The following CCDC163 variants were observed in gnomAD, a reference collection of about 807,000 sequenced individuals.
CCDC163 encodes transmembrane protein CCDC163.
Under a neutral mutation model 8.2 loss-of-function variants are expected in CCDC163, and 13 were observed. That is an observed-to-expected ratio of 1.59 (90% CI 1.04 to 2.54). CCDC163 has a LOEUF of 2.54. CCDC163 is among the 30% of genes most tolerant of loss of function. The probability of loss-of-function intolerance (pLI) is 0.00; values close to 1 mark genes in which losing one functional copy is unlikely to be tolerated. For missense variants in CCDC163, 117 were observed against 78.6 expected (o/e 1.49, Z -1.85); for synonymous variants, 41 against 30.9 (o/e 1.33, Z -1.08).
chr1:45,496,332 A>T, intron 4 of CCDC163: 2 of 647,994 alleles, frequency 3.1e-6, no homozygotes, highest in Non-Finnish European at 5.7e-6. Flanking sequence ...TGTCCTCTTC[A>T]GCACACTTGG....
chr1:45,497,633 T>A, intron 2 of CCDC163, among the ~76,000 whole-genome samples: 1 of 116,796 alleles, frequency 8.6e-6, no homozygotes, highest in African/African-American at 3.4e-5. Context: ...GACTGCAGCC[T>A]CTGCCCGGCC....
rs1460917739 is a variant in CCDC163, at chr1:45,497,940, G to C, written c.178-557C>G. 4.7e-5 allele frequency among the ~76,000 whole-genome samples: 7 copies of C among 147,914 alleles called. No homozygotes were observed. In the East Asian group the frequency reaches 6.2e-4, roughly 13 times the overall value. The stretch of plus-strand genomic sequence containing the variant: ...AATGGCGGCTTTGTGGAATAGAAAG[G>C]GGGGAAAGGTGGGGAAAAGATTGAG... On this transcript the variant is annotated intron_variant, in intron 2 of 4. Coordinates refer to ENST00000629482, the MANE Select transcript of CCDC163 (RefSeq NM_001102601.3).
intron 2 of CCDC163, among the ~76,000 whole-genome samples, chr1:45,497,858 C>T (rs1194222210): frequency 1.4e-5 from 2 of 147,222 alleles, no homozygotes; most frequent in Non-Finnish European, 3.0e-5. Flanking sequence ...CTCTGCCCGG[C>T]CACCACCCCG....
chr1:45,495,456 A>G (rs1477618206), intron 4 of CCDC163: 4 of 702,756 alleles, frequency 5.7e-6, no homozygotes, highest in Non-Finnish European at 1.0e-5. Flanking sequence ...GTTACTGTCC[A>G]GAAGACTGAA....
chr1:45,495,028 C>T lies in CCDC163; in HGVS notation c.*31G>A. 1.3e-6 allele frequency: 1 copy of T among 780,714 alleles called. No homozygotes were observed. 48.4% of individuals were successfully genotyped at this position (780,714 alleles called of 1,614,324 possible). ...GAGGGTGGGCAAAGAAGCCTTCATCCTACTATTCTTAACGAGTCCTTACAG... is the reference window on the plus strand; with the variant it reads ...GAGGGTGGGCAAAGAAGCCTTCATCTTACTATTCTTAACGAGTCCTTACAG... On this transcript the variant is annotated 3_prime_UTR_variant, in exon 5 of 5. Coordinates refer to ENST00000629482, the MANE Select transcript of CCDC163 (RefSeq NM_001102601.3).
chr1:45,499,840 G>C lies in CCDC163; in HGVS notation c.-231C>G, dbSNP rs376618650. 8.8e-6 allele frequency: 5 copies of C among 570,152 alleles called. No homozygotes were observed. The highest frequency in any genetic ancestry group is 4.0e-5 in the South Asian group (2 of 50,106). 35.3% of individuals were successfully genotyped at this position (570,152 alleles called of 1,614,324 possible). A position where few individuals can be genotyped will look rare whatever the true frequency, so the allele number is the denominator to read the frequency against. On this transcript the variant is annotated 5_prime_UTR_variant, in exon 1 of 5. The change creates a new upstream start codon in the 5' untranslated region. Coordinates refer to ENST00000629482, the MANE Select transcript of CCDC163 (RefSeq NM_001102601.3). ...AACTGGGGGAAAAGCGGGATACCGT[G>C]ATGATACGCAGATATCAGGTGGGGA...
chr1:45,495,387 C>G, intron 4 of CCDC163: 1 of 702,876 alleles, frequency 1.4e-6, no homozygotes, highest in African/African-American at 1.7e-5. Flanking sequence ...TTAGCCTCCC[C>G]CAAAACGGGA....
chr1:45,495,004 A>G lies in CCDC163; in HGVS notation c.*55T>C. The G allele has an allele frequency of 1.3e-6, 1 of 778,610 alleles. No individual in the cohort carries two copies. Among genetic ancestry groups the G allele is most frequent in the Non-Finnish European group, 2.4e-6 (1 of 416,940 alleles). The allele number at this position is 778,610 out of a possible 1,614,324, so 48.2% of individuals were successfully genotyped here. On this transcript the variant is annotated 3_prime_UTR_variant, in exon 5 of 5. Transcript: ENST00000629482. Reference sequence around the variant, plus strand: ...GCCCAGAAACAGGGCCTTGGAGGGGAGGGTGGGCAAAGAAGCCTTCATCCT... The same window carrying G: ...GCCCAGAAACAGGGCCTTGGAGGGGGGGGTGGGCAAAGAAGCCTTCATCCT...
chr1:45,496,473 C>A (rs1202237546), intron 4 of CCDC163, 83 bp downstream of exon 4: 1 of 729,170 alleles, frequency 1.4e-6, no homozygotes, highest in Admixed American at 1.9e-5. Context: ...GGTATCCTGG[C>A]CTCCCTGCAG....
At chr1:45,499,243 A>G (rs1339079156) in intron 2 of CCDC163, 102 bp downstream of exon 2, 2 of 711,662 alleles carry the variant, frequency 2.8e-6, no homozygotes, top group Non-Finnish European at 5.2e-6. Context: ...AGAGTTCAGG[A>G]AAGGACAGAG....
intron 4 of CCDC163, among the ~76,000 whole-genome samples, chr1:45,495,809 G>A (rs1410244695): frequency 1.3e-5 from 2 of 151,938 alleles, no homozygotes; most frequent in Non-Finnish European, 2.9e-5. Context: ...TGGGATTACA[G>A]GCACCCGCCA....
chr1:45,498,394 C>CA (rs779532347), intron 2 of CCDC163: 5,474 of 104,134 alleles, frequency 0.053, 154 homozygotes, highest in Admixed American at 0.08. Context: ...AAAACAAACC[C>CA]AAAAAAAAAA....
Position 45,497,470 on chromosome 1 carries a change from T to A in CCDC163, c.178-87A>T, listed in dbSNP as rs1042522771. The A allele has an allele frequency of 3.8e-4, 256 of 672,448 alleles. No homozygotes were observed. The African/African-American group carries it at 4.1e-3, about 11-fold the overall frequency. The allele number at this position is 672,448 out of a possible 1,614,324, so 41.7% of individuals were successfully genotyped here. On this transcript the variant is annotated intron_variant, in intron 2 of 4. Transcript: ENST00000629482. ...CTCTTAGAGAGGATGATCCCCAACT[T>A]GTCCCACTACAAATGCCAAAAGTTC...
intron 4 of CCDC163, among the ~76,000 whole-genome samples, chr1:45,495,829 G>T (rs911452511): frequency 1.3e-5 from 2 of 151,910 alleles, no homozygotes; most frequent in African/African-American, 2.4e-5. Context: ...ATCATGCCCG[G>T]CTAATTTTTG....
chr1:45,497,620 C>A (rs1270402887), intron 2 of CCDC163, among the ~76,000 whole-genome samples: 4 of 107,746 alleles, frequency 3.7e-5, no homozygotes, highest in South Asian at 3.3e-4. Context: ...CCCAAAGTGC[C>A]GAGACTGCAG....
intron 2 of CCDC163, 64 bp downstream of exon 2, chr1:45,499,281 T>TA (rs1387403071): frequency 2.8e-6 from 2 of 724,688 alleles, no homozygotes; most frequent in Non-Finnish European, 5.1e-6. Flanking sequence ...TAATGGATGA[T>TA]ACGGGCACTG....
At chr1:45,497,943 G>A (rs1279722308) in intron 2 of CCDC163, among the ~76,000 whole-genome samples, 1 of 147,980 alleles carries the variant, frequency 6.8e-6, no homozygotes, top group Non-Finnish European at 1.5e-5. Flanking sequence ...TAGAAAGGGG[G>A]GAAAGGTGGG....
rs1013956395 is a variant in CCDC163 at position 45,500,019 on chromosome 1, T to G, written c.-410A>C. 8.0e-5 allele frequency: 41 copies of G among 515,242 alleles called. No homozygotes were observed. The South Asian group carries it at 8.1e-4, about 10-fold the overall frequency. 31.9% of individuals were successfully genotyped at this position (515,242 alleles called of 1,614,324 possible). On this transcript the variant is annotated 5_prime_UTR_variant, in exon 1 of 5. Coordinates refer to ENST00000629482, the MANE Select transcript of CCDC163 (RefSeq NM_001102601.3). ...TTGGACTGGCTGCCGCAGCGCCACC[T>G]GGGAAACTGAGGTCGCCTCTTGCGA...
chr1:45,497,742 G>C (rs1356407723), intron 2 of CCDC163, among the ~76,000 whole-genome samples: 1 of 22,492 alleles, frequency 4.4e-5, no homozygotes, highest in Non-Finnish European at 9.2e-5. Flanking sequence ...CAGCCGCCCC[G>C]TCTGGGAGGG....
Sources: allele counts gnomAD v4.1 joint callset (sites outside exome capture counted in the v4.1 genomes callset), GRCh38; gene constraint gnomAD v4.1.1; transcripts MANE v1.5; gene names NCBI Gene and HGNC (gene_info 2026-07-23, HGNC 2026-07-21).